Variants in MYO6 observed in about 807,000 individuals in gnomAD.
The protein encoded by MYO6 is myosin VI.
MYO6 carries 74 observed loss-of-function variants against 178.7 expected under a neutral mutation model. The observed-to-expected ratio is 0.41, with a 90% CI of 0.34 to 0.50. The LOEUF (loss-of-function observed/expected upper bound fraction) is 0.50, where lower values mean the gene tolerates loss of function less well. Among genes scored for constraint, MYO6 ranks in the 20% least tolerant of loss-of-function variants. The pLI is 0.09. For synonymous variants in MYO6, 477 were observed against 504.6 expected (o/e 0.95, Z 0.73); for missense variants, 1,330 against 1,547.4 (o/e 0.86, Z 2.36).
At chr6:75,758,525 A>G (rs1777668434) in intron 1 of MYO6, among the ~76,000 whole-genome samples, 1 of 152,034 alleles carries the variant, frequency 6.6e-6, no homozygotes, top group Non-Finnish European at 1.5e-5. Flanking sequence ...CAGTGTTGCC[A>G]TCTCAGCTCA....
rs1163176730 is a variant in MYO6, at chr6:75,822,806, G to C, written c.142G>C (p.Val48Leu). ...GKTFLALINQVFPAEEDSKKD... is the reference protein window; with the variant it reads ...GKTFLALINQLFPAEEDSKKD... ...GACATTTTTGGCTCTCATAAACCAA[G>C]TGTTTCCTGCAGAAGAGGACAGTAA... The change falls in exon 3 of 35, where the codon GTG becomes CTG. Residue 48 changes from valine (V) to leucine (L), a missense_variant. By Grantham distance (32) the Val-to-Leu change is conservative. Coordinates refer to ENST00000369977, the MANE Select transcript of MYO6 (RefSeq NM_004999.4). 3 of 1,613,554 alleles carry C rather than the reference G, an allele frequency of 1.9e-6. No homozygotes were observed. The East Asian group carries it at 6.7e-5, about 36-fold the overall frequency.
At chr6:75,783,704 C>G (rs1388852265) in intron 1 of MYO6, among the ~76,000 whole-genome samples, 1 of 151,990 alleles carries the variant, frequency 6.6e-6, no homozygotes, top group Admixed American at 6.6e-5. Context: ...TTATTAATGC[C>G]TAGGATCCAC....
At chr6:75,799,645 A>G (rs375762155) in intron 1 of MYO6, among the ~76,000 whole-genome samples, 1 of 152,162 alleles carries the variant, frequency 6.6e-6, no homozygotes, top group Non-Finnish European at 1.5e-5. Flanking sequence ...ACTACAAGGT[A>G]GGGTTTGTGT....
rs140650537 is a variant in MYO6, at chr6:75,876,980, AT to A, written c.2078-2829del. The stretch of plus-strand genomic sequence containing the variant: ...TAAGTCACCTTTTACTAAAATTACT[AT>A]TTTTTTTTTTGAGACGGAGTTTCGC... On this transcript the variant is annotated intron_variant, in intron 20 of 34. Coordinates refer to ENST00000369977, the MANE Select transcript of MYO6 (RefSeq NM_004999.4). Among the ~76,000 whole-genome samples the A allele has an allele frequency of 6.0e-3, 894 of 148,434 alleles. 8 individuals are homozygous for A. Among genetic ancestry groups the A allele is most frequent in the African/African-American group, 0.021 (848 of 40,724 alleles).
Position 75,886,762 on chromosome 6 carries a change from C to A in MYO6, c.2508-82C>A, listed in dbSNP as rs1044816998. On this transcript the variant is annotated intron_variant, in intron 24 of 34. Coordinates refer to ENST00000369977, the MANE Select transcript of MYO6 (RefSeq NM_004999.4). ...ATATTGAAAACAGAAGTGAAATACC[C>A]TGTTTAGCATTTTATAAATGAAAAA... 5.4e-6 allele frequency: 7 copies of A among 1,305,730 alleles called. No homozygotes were observed. The African/African-American group carries it at 8.7e-5, about 16-fold the overall frequency. 80.9% of individuals were successfully genotyped at this position (1,305,730 alleles called of 1,614,324 possible).
rs1045472565 is a variant in MYO6, at chr6:75,892,773, A to G, written c.3107+83A>G. On this transcript the variant is annotated intron_variant, in intron 28 of 34. Transcript: ENST00000369977. ...GCCTCTCATTTCCATGCAGAAGGGAATAGGAGAAAATAATATTCTGAAGGC... is the reference window on the plus strand; with the variant it reads ...GCCTCTCATTTCCATGCAGAAGGGAGTAGGAGAAAATAATATTCTGAAGGC... 3.5e-6 allele frequency: 5 copies of G among 1,426,978 alleles called. No homozygotes were observed. In the Admixed American group the frequency reaches 8.2e-5, roughly 23 times the overall value. The allele number at this position is 1,426,978 out of a possible 1,614,324, so 88.4% of individuals were successfully genotyped here.
intron 33 of MYO6, among the ~76,000 whole-genome samples, chr6:75,912,418 G>A (rs997325021): frequency 2.6e-5 from 4 of 151,958 alleles, no homozygotes; most frequent in African/African-American, 9.7e-5. Flanking sequence ...TAGAATATTA[G>A]TTTCAAGCTT....
At chr6:75,790,441 G>A (rs374070314) in intron 1 of MYO6, among the ~76,000 whole-genome samples, 2 of 149,978 alleles carry the variant, frequency 1.3e-5, no homozygotes, top group Non-Finnish European at 3.0e-5. Flanking sequence ...GCAGTGGCAC[G>A]ATCTCGGCTC....
chr6:75,845,757 G>C (rs1042462218), intron 10 of MYO6, among the ~76,000 whole-genome samples: 1 of 152,054 alleles, frequency 6.6e-6, no homozygotes, highest in African/African-American at 2.4e-5. Flanking sequence ...GGCTGAGGCA[G>C]GTGGATCATT....
chr6:75,756,847 GGTA>G (rs1562112696), intron 1 of MYO6, among the ~76,000 whole-genome samples: 1 of 150,572 alleles, frequency 6.6e-6, no homozygotes, highest in African/African-American at 2.4e-5. Flanking sequence ...GTACTAAGCA[GGTA>G]GTAGATACTA....
chr6:75,865,105 A>C (rs1475705215), intron 16 of MYO6: 1 of 148,848 alleles, frequency 6.7e-6, no homozygotes, highest in Non-Finnish European at 1.5e-5. Context: ...TCTCAATTTT[A>C]TTTTTTTGAT....
intron 1 of MYO6, among the ~76,000 whole-genome samples, chr6:75,779,213 A>G (rs1021771800): frequency 1.3e-5 from 2 of 152,104 alleles, no homozygotes; most frequent in African/African-American, 4.8e-5. Context: ...TTCTTAATAA[A>G]AAACGAGGCC....
chr6:75,917,475 A>G lies in MYO6; in HGVS notation c.*2463A>G, dbSNP rs1335429837. On this transcript the variant is annotated 3_prime_UTR_variant, in exon 35 of 35. Transcript: ENST00000369977. ...ATGAGTTATGGGAACTAATTGAGAA[A>G]AGGAAGTTACTCTAATCCACGTATG... The G allele has an allele frequency of 6.6e-6, 1 of 152,420 alleles. No homozygotes were observed. The highest frequency in any genetic ancestry group is 1.5e-5 in the Non-Finnish European group (1 of 68,034). 9.4% of individuals were successfully genotyped at this position (152,420 alleles called of 1,614,324 possible).
intron 11 of MYO6, among the ~76,000 whole-genome samples, chr6:75,853,803 T>G (rs1035235932): frequency 2.0e-5 from 3 of 152,190 alleles, no homozygotes; most frequent in Non-Finnish European, 2.9e-5. Context: ...TGTAAAATGC[T>G]ATTTTTTATT....
At chr6:75,903,352 T>A (rs1186026560) in intron 30 of MYO6, among the ~76,000 whole-genome samples, 14 of 151,994 alleles carry the variant, frequency 9.2e-5, no homozygotes, top group Non-Finnish European at 1.3e-4. Context: ...TATTAATGTG[T>A]GGGAGTCTAA....
At chr6:75,910,390 A>T (rs868189052) in intron 32 of MYO6, among the ~76,000 whole-genome samples, 1 of 152,316 alleles carries the variant, frequency 6.6e-6, no homozygotes, top group Middle Eastern at 3.4e-3. Context: ...ATGTACACAT[A>T]TTTATTGTAT....
chr6:75,908,406 AT>A (rs1248605668), intron 31 of MYO6, 89 bp from the exon 32 acceptor site: 1 of 1,280,814 alleles, frequency 7.8e-7, no homozygotes, highest in African/African-American at 1.5e-5. Context: ...AAATAAAAAA[AT>A]CTCCTTATGC....
At chr6:75,820,781 C>A (rs1771789592) in intron 2 of MYO6, among the ~76,000 whole-genome samples, 1 of 152,278 alleles carries the variant, frequency 6.6e-6, no homozygotes, top group South Asian at 2.1e-4. Context: ...CCCTCCCCCC[C>A]ATTCAGTAGA....
rs983358500 is a variant in MYO6 at position 75,916,870 on chromosome 6, G to A, written c.*1858G>A. The A allele has an allele frequency of 1.3e-5, 2 of 152,132 alleles. No individual in the cohort carries two copies. Among genetic ancestry groups the A allele is most frequent in the African/African-American group, 4.8e-5 (2 of 41,418 alleles). The allele number at this position is 152,132 out of a possible 1,614,324, so 9.4% of individuals were successfully genotyped here. A position where few individuals can be genotyped will look rare whatever the true frequency, so the allele number is the denominator to read the frequency against. On this transcript the variant is annotated 3_prime_UTR_variant, in exon 35 of 35. Transcript: ENST00000369977. ...TTTGTAAGAAATGTATCACAGCAAA[G>A]GGTTGTTATAAGTCCTTAGTTTTTG...
Sources: allele counts gnomAD v4.1 joint callset (sites outside exome capture counted in the v4.1 genomes callset), GRCh38; gene constraint gnomAD v4.1.1; transcripts MANE v1.5; gene names NCBI Gene and HGNC (gene_info 2026-07-23, HGNC 2026-07-21).